TRDN: variants seen among roughly 807,000 people sequenced by gnomAD.
TRDN encodes triadin in skeletal muscle.
TRDN carries 161 observed loss-of-function variants against 149.7 expected under a neutral mutation model. The observed-to-expected ratio is 1.08, with a 90% CI of 0.95 to 1.23. The LOEUF (loss-of-function observed/expected upper bound fraction) is 1.23. Ranked by LOEUF, TRDN falls within the 50% of genes most tolerant of loss-of-function variation. The probability of loss-of-function intolerance (pLI) is 0.00; values close to 1 mark genes in which losing one functional copy is unlikely to be tolerated. For synonymous variants in TRDN, 294 were observed against 250.5 expected (o/e 1.17, Z -1.64); for missense variants, 896 against 823.5 (o/e 1.09, Z -1.08).
rs574524544 is a variant in TRDN, at chr6:123,516,493, G to A, written c.485-287C>T. On this transcript the variant is annotated intron_variant, in intron 5 of 40. Transcript: ENST00000334268. The stretch of plus-strand genomic sequence containing the variant: ...TTCCAAATCTTTAATTGAAATAATT[G>A]GAAAATTTTAAAAAATTATTATGCC... Among the ~76,000 whole-genome samples the A allele has an allele frequency of 1.2e-4, 19 of 152,092 alleles. No homozygotes were observed. In the East Asian group the frequency reaches 3.7e-3, roughly 29 times the overall value.
chr6:123,577,507 A>G (rs9401682), intron 1 of TRDN, among the ~76,000 whole-genome samples: 33,779 of 152,068 alleles, frequency 0.22, 4,655 homozygotes, highest in African/African-American at 0.39. Context: ...ATAGTATTCC[A>G]TGGTGTATAT....
intron 10 of TRDN, among the ~76,000 whole-genome samples, chr6:123,446,974 T>C (rs954111938): frequency 3.3e-5 from 5 of 152,178 alleles, no homozygotes; most frequent in Admixed American, 1.3e-4. Flanking sequence ...CACGCAACTT[T>C]ATAGCAACAT....
Position 123,557,695 on chromosome 6 carries a change from T to C in TRDN, c.233-9083A>G, listed in dbSNP as rs532301071. Reference sequence around the variant, plus strand: ...GTGTGTGACCACGTGGGAACGCCTGTCTTGGTCCTTCACCCTTAGCAGCAA... The same window carrying C: ...GTGTGTGACCACGTGGGAACGCCTGCCTTGGTCCTTCACCCTTAGCAGCAA... On this transcript the variant is annotated intron_variant, in intron 2 of 40. Transcript: ENST00000334268. 2.1e-4 allele frequency among the ~76,000 whole-genome samples: 32 copies of C among 152,192 alleles called. 1 individual carries two copies. In the South Asian group the frequency reaches 6.7e-3, roughly 32 times the overall value.
At chr6:123,322,777 A>G (rs1779293225) in intron 23 of TRDN, among the ~76,000 whole-genome samples, 2 of 151,730 alleles carry the variant, frequency 1.3e-5, no homozygotes, top group Non-Finnish European at 2.9e-5. Context: ...AGCAGCTGGG[A>G]CTATAGGTGC....
chr6:123,272,808 T>A (rs1484884017), intron 29 of TRDN, among the ~76,000 whole-genome samples, 156 bp downstream of exon 29: 1 of 151,884 alleles, frequency 6.6e-6, no homozygotes, highest in Non-Finnish European at 1.5e-5. Flanking sequence ...CAAAAAAAAA[T>A]TCTGAAGATG....
chr6:123,576,498 T>C (rs539043050), intron 1 of TRDN, among the ~76,000 whole-genome samples: 9 of 152,146 alleles, frequency 5.9e-5, no homozygotes, highest in African/African-American at 2.2e-4. Flanking sequence ...ATTTATCTAT[T>C]TATTTTAACA....
At chr6:123,362,793 T>C (rs1780951844) in intron 20 of TRDN, among the ~76,000 whole-genome samples, 1 of 152,160 alleles carries the variant, frequency 6.6e-6, no homozygotes, top group Non-Finnish European at 1.5e-5. Flanking sequence ...AAGTTTCACC[T>C]ATTTTTAGTA....
At chr6:123,301,770 C>CATAT (rs35364593) in intron 24 of TRDN, among the ~76,000 whole-genome samples, 980 of 57,818 alleles carry the variant, frequency 0.017, 17 homozygotes, top group Middle Eastern at 0.03. Flanking sequence ...TATATATATA[C>CATAT]ATATATATAT....
rs905981721 is a variant in TRDN at position 123,302,624 on chromosome 6, A to G, written c.1510+13833T>C. ...GGATAATGGAATAAGTGAATAAAAC[A>G]CTGAAAAGTCAAAAAAATAGGACCA... On this transcript the variant is annotated intron_variant, in intron 24 of 40. Transcript: ENST00000334268. Among the ~76,000 whole-genome samples, 3 of 151,962 alleles carry G rather than the reference A, an allele frequency of 2.0e-5. No homozygotes were observed. The East Asian group carries it at 5.8e-4, about 29-fold the overall frequency.
chr6:123,224,684 G>C (rs1390854228), intron 38 of TRDN, among the ~76,000 whole-genome samples: 1 of 151,734 alleles, frequency 6.6e-6, no homozygotes, highest in Non-Finnish European at 1.5e-5. Flanking sequence ...AATATATACT[G>C]TTGGGAAAAC....
At chr6:123,343,513 C>A in intron 21 of TRDN, among the ~76,000 whole-genome samples, 1 of 151,646 alleles carries the variant, frequency 6.6e-6, no homozygotes, top group East Asian at 1.9e-4. Context: ...AAAATGTTAA[C>A]TGAATAATTA....
chr6:123,301,523 T>A (rs1202853759), intron 24 of TRDN, among the ~76,000 whole-genome samples: 1 of 151,654 alleles, frequency 6.6e-6, no homozygotes, highest in Non-Finnish European at 1.5e-5. Context: ...TTTTACATTA[T>A]GAAATCAATT....
intron 38 of TRDN, among the ~76,000 whole-genome samples, chr6:123,232,981 G>A (rs566215929): frequency 1.3e-5 from 2 of 152,004 alleles, no homozygotes; most frequent in South Asian, 2.1e-4. Context: ...AGAAATCCTC[G>A]TAAGTAAACA....
At chr6:123,516,052 G>A in intron 6 of TRDN, 89 bp downstream of exon 6, 1 of 1,232,382 alleles carries the variant, frequency 8.1e-7, no homozygotes, top group Non-Finnish European at 1.0e-6. Context: ...TTGTAAAACT[G>A]CGTGGTCATC....
intron 24 of TRDN, among the ~76,000 whole-genome samples, chr6:123,309,837 A>C (rs1220612432): frequency 6.6e-6 from 1 of 152,066 alleles, no homozygotes; most frequent in Non-Finnish European, 1.5e-5. Flanking sequence ...GTTACCATAA[A>C]ATATACAAAT....
chr6:123,343,318 T>C (rs904767343), intron 21 of TRDN, among the ~76,000 whole-genome samples: 2 of 152,036 alleles, frequency 1.3e-5, no homozygotes, highest in Non-Finnish European at 2.9e-5. Context: ...TTTATTTCTA[T>C]AACAATGTTA....
intron 12 of TRDN, among the ~76,000 whole-genome samples, chr6:123,414,000 A>G (rs1192499404): frequency 6.6e-6 from 1 of 151,990 alleles, no homozygotes; most frequent in African/African-American, 2.4e-5. Context: ...CATTCAGCCC[A>G]TTTTCTTACC....
At chr6:123,257,554 T>C (rs1776606200) in intron 35 of TRDN, among the ~76,000 whole-genome samples, 1 of 152,184 alleles carries the variant, frequency 6.6e-6, no homozygotes, top group Non-Finnish European at 1.5e-5. Flanking sequence ...AGCTTTGTAG[T>C]ATAGTTTGGA....
intron 9 of TRDN, among the ~76,000 whole-genome samples, chr6:123,480,342 G>A (rs1424629060): frequency 1.3e-5 from 2 of 150,984 alleles, no homozygotes; most frequent in African/African-American, 2.4e-5. Context: ...TATATCCCTC[G>A]GCATGCCCTT....
Sources: allele counts gnomAD v4.1 joint callset (sites outside exome capture counted in the v4.1 genomes callset), GRCh38; gene constraint gnomAD v4.1.1; transcripts MANE v1.5; gene names NCBI Gene and HGNC (gene_info 2026-07-23, HGNC 2026-07-21).